Variants in TENM1 observed in about 807,000 individuals in gnomAD.
TENM1 encodes teneurin transmembrane protein 1.
A neutral mutation model predicts 174.8 loss-of-function variants in TENM1; 35 were observed. The observed-to-expected ratio is 0.20, with a 90% confidence interval of 0.15 to 0.27. TENM1 has a LOEUF of 0.27. Among genes scored for constraint, TENM1 ranks in the 10% least tolerant of loss-of-function variants. The pLI is 1.00. For missense variants in TENM1, 1,633 were observed against 2,130.1 expected, an observed-to-expected ratio of 0.77 and a Z score of 4.59; for synonymous variants, 781 against 798.7, an observed-to-expected ratio of 0.98 and a Z score of 0.37.
the TENM1 span, among the ~76,000 whole-genome samples, chrX:125,167,867 C>T: frequency 8.9e-6 from 1 of 111,975 alleles, no homozygotes; most frequent in Non-Finnish European, 1.9e-5. Flanking sequence ...CCTCCAAACC[C>T]TGGCCATGAT....
At chrX:125,155,624 T>G in the TENM1 span, among the ~76,000 whole-genome samples, 1 of 112,049 alleles carries the variant, frequency 8.9e-6, no homozygotes, top group African/African-American at 3.2e-5. Context: ...CCTGCCCCGC[T>G]GGAAGGCAGC....
At chrX:124,456,371 T>G (rs1169519181) in intron 22 of TENM1, among the ~76,000 whole-genome samples, 1 of 112,104 alleles carries the variant, frequency 8.9e-6, no homozygotes, top group African/African-American at 3.2e-5. Context: ...GCTTCATAAA[T>G]GTACCGAGCA....
chrX:124,410,500 C>T lies in TENM1; in HGVS notation c.4983-4011G>A, dbSNP rs191043290. 7.2e-5 allele frequency among the ~76,000 whole-genome samples: 8 copies of T among 111,541 alleles called. No individual in the cohort carries two copies. The East Asian group carries it at 8.4e-4, about 12-fold the overall frequency. ...TCTAAAACACCAAAAGCAATGGCAA[C>T]GAAAGCCAAAATTGAGAAATGGAAT... is the stretch of plus-strand genomic sequence containing the variant. On this transcript the variant is annotated intron_variant, in intron 25 of 31. Coordinates refer to ENST00000422452, the Ensembl canonical transcript of TENM1.
At chrX:124,761,248 G>C (rs1389625320) in intron 3 of TENM1, among the ~76,000 whole-genome samples, 1 of 110,715 alleles carries the variant, frequency 9.0e-6, no homozygotes, top group Non-Finnish European at 1.9e-5. Flanking sequence ...GCACACGTAT[G>C]TTCACGGCGG....
chrX:124,954,698 C>G lies in TENM1; in HGVS notation c.217+8839G>C, dbSNP rs745346597. Among the ~76,000 whole-genome samples the G allele has an allele frequency of 2.7e-5, 3 of 111,335 alleles. No homozygotes were observed. In the East Asian group the frequency reaches 8.5e-4, roughly 31 times the overall value. ...CACCATGATAATTATCTTTACATCA[C>G]AGGGTTGCAAATAAGGACTAAATAA... On this transcript the variant is annotated intron_variant, in intron 1 of 31. Transcript: ENST00000422452.
At chrX:124,513,064 C>T (rs141987150) in intron 18 of TENM1, among the ~76,000 whole-genome samples, 1,136 of 111,736 alleles carry the variant, frequency 0.01, 8 homozygotes, top group Middle Eastern at 0.037. Flanking sequence ...TAACAAATTA[C>T]CAAAAACTTA....
chrX:124,580,704 T>C (rs1262933834), intron 11 of TENM1, among the ~76,000 whole-genome samples: 1 of 111,418 alleles, frequency 9.0e-6, no homozygotes, highest in Non-Finnish European at 1.9e-5. Flanking sequence ...TAATTTTTTA[T>C]TTTTTATTTC....
At position 124,462,733 on chromosome X, in the gene TENM1, A is replaced by G. The variant is rs1165800245; in HGVS notation, c.3950-9242T>C. On this transcript the variant is annotated intron_variant, in intron 22 of 31. Transcript: ENST00000422452. Reference sequence around the variant, plus strand: ...TTAGTTTTTATATCTCAAATAATTCAGTACACTTGGGCACAAATGTTCAAT... The same window carrying G: ...TTAGTTTTTATATCTCAAATAATTCGGTACACTTGGGCACAAATGTTCAAT... Among the ~76,000 whole-genome samples the G allele has an allele frequency of 5.4e-5, 6 of 111,846 alleles. No homozygotes were observed. The Admixed American group carries it at 5.7e-4, about 11-fold the overall frequency.
chrX:124,912,546 C>T (rs1369785548), intron 1 of TENM1, among the ~76,000 whole-genome samples: 1 of 110,380 alleles, frequency 9.1e-6, no homozygotes, highest in Non-Finnish European at 1.9e-5. Context: ...ACACCATAAT[C>T]ACCATGCACT....
chrX:124,509,887 A>ATT (rs752671089), intron 18 of TENM1, among the ~76,000 whole-genome samples: 4 of 106,129 alleles, frequency 3.8e-5, no homozygotes, highest in African/African-American at 1.4e-4. Context: ...CGCCTGGCTA[A>ATT]TTTTTTTTTT....
intron 1 of TENM1, among the ~76,000 whole-genome samples, chrX:124,955,797 G>GCA (rs376755403): frequency 0.21 from 19,332 of 90,945 alleles, 1,548 homozygotes; most frequent in Non-Finnish European, 0.24. Flanking sequence ...ACACGCGCAC[G>GCA]CACACACACA....
At chrX:124,465,024 G>A (rs756637247) in intron 22 of TENM1, among the ~76,000 whole-genome samples, 1 of 111,731 alleles carries the variant, frequency 9.0e-6, no homozygotes, top group East Asian at 2.8e-4. Context: ...GTGGAGTAAA[G>A]AGTCTGGGCT....
the TENM1 span, among the ~76,000 whole-genome samples, chrX:125,032,408 G>A: frequency 9.0e-6 from 1 of 110,746 alleles, no homozygotes; most frequent in African/African-American, 3.3e-5. Context: ...GACCTTAGGT[G>A]ATCCATCCGC....
At chrX:124,614,465 C>T (rs762334192) in intron 11 of TENM1, among the ~76,000 whole-genome samples, 46 of 112,109 alleles carry the variant, frequency 4.1e-4, no homozygotes, top group African/African-American at 1.5e-3. Context: ...ATTTCTGGGT[C>T]ATGCATGTAA....
chrX:124,384,595 A>G, exon 30 of TENM1: 1 of 1,211,531 alleles, frequency 8.3e-7, no homozygotes, highest in Non-Finnish European at 1.1e-6. Context: ...TGACTTGTCC[A>G]TTGGCACTGA....
At chrX:125,050,990 T>C in the TENM1 span, among the ~76,000 whole-genome samples, 1 of 112,136 alleles carries the variant, frequency 8.9e-6, no homozygotes, top group African/African-American at 3.2e-5. Context: ...GATAGGCAAC[T>C]TCAGCAAAGT....
At position 124,604,979 on chromosome X, in the gene TENM1, A is replaced by G. The variant is rs564242703; in HGVS notation, c.2077+36812T>C. Among the ~76,000 whole-genome samples the G allele has an allele frequency of 1.4e-4, 15 of 107,653 alleles. No homozygotes were observed. The South Asian group carries it at 6.4e-3, about 46-fold the overall frequency. 93.5% of individuals were successfully genotyped at this position (107,653 alleles called of 115,157 possible). A position where few individuals can be genotyped will look rare whatever the true frequency, so the allele number is the denominator to read the frequency against. On this transcript the variant is annotated intron_variant, in intron 11 of 31. Coordinates refer to ENST00000422452, the Ensembl canonical transcript of TENM1. The stretch of plus-strand genomic sequence containing the variant: ...TCCCTTACATGCCCTATTTCTGAAG[A>G]ACATCTCTAGATTCAGAGCAAATAG...
the TENM1 span, among the ~76,000 whole-genome samples, chrX:125,162,024 G>A: frequency 2.2e-3 from 249 of 111,701 alleles, 1 homozygote; most frequent in African/African-American, 4.8e-3. Context: ...GGCTCCTTGC[G>A]GTAAAGAGGT....
At chrX:124,977,606 G>A in the TENM1 span, among the ~76,000 whole-genome samples, 1 of 110,116 alleles carries the variant, frequency 9.1e-6, no homozygotes, top group African/African-American at 3.3e-5. Context: ...CCTAAATCTA[G>A]TAAGCAGTCA....
Sources: gnomAD v4.1 joint callset for allele counts (sites outside exome capture counted in the v4.1 genomes callset) on GRCh38, gnomAD v4.1.1 for gene constraint, MANE v1.5 for transcripts, NCBI Gene and HGNC (gene_info 2026-07-23, HGNC 2026-07-21) for gene names.